The following ZCCHC4 variants were observed in gnomAD, a reference collection of about 807,000 sequenced individuals.
ZCCHC4 encodes zinc finger CCHC-type containing 4.
A neutral mutation model predicts 67.7 loss-of-function variants in ZCCHC4; 54 were observed. The ratio of observed to expected loss-of-function variants is 0.80; its 90% CI spans 0.64 to 1.00. The LOEUF (loss-of-function observed/expected upper bound fraction) is 1.00. Among genes scored for constraint, ZCCHC4 ranks in the 50% least tolerant of loss-of-function variants. The pLI, the probability that ZCCHC4 is intolerant of heterozygous loss-of-function variation, is 0.00. For synonymous variants in ZCCHC4, 198 were observed against 213.5 expected, an observed-to-expected ratio of 0.93 and a Z score of 0.63; for missense variants, 609 against 617.0, an observed-to-expected ratio of 0.99 and a Z score of 0.14.
chr4:25,326,045 A>T (rs28410007), intron 3 of ZCCHC4, among the ~76,000 whole-genome samples: 66,004 of 151,810 alleles, frequency 0.43, 16,237 homozygotes, highest in Non-Finnish European at 0.56. Flanking sequence ...GCTTAGTGGT[A>T]TACAACGACA....
rs543365219 is a variant in ZCCHC4 at position 25,369,082 on chromosome 4, C to G, written c.1460C>G (p.Thr487Arg). The G allele has an allele frequency of 6.2e-7, 1 of 1,613,508 alleles. No homozygotes were observed. Among genetic ancestry groups the G allele is most frequent in the Non-Finnish European group, 8.5e-7 (1 of 1,179,854 alleles). Residue 487 changes from threonine to arginine, a missense_variant, in exon 13 of 13, where the codon ACG becomes AGG. Thr to Arg is a moderately conservative substitution (Grantham distance 71). Coordinates refer to ENST00000302874, the MANE Select transcript of ZCCHC4 (RefSeq NM_024936.3). ...RKSNKMKMET[T>R]KGQSMNHTSA... Reference sequence around the variant, plus strand: ...AGTAATAAGATGAAAATGGAGACCACGAAAGGACAATCCATGAATCATACA... The same window carrying G: ...AGTAATAAGATGAAAATGGAGACCAGGAAAGGACAATCCATGAATCATACA...
At chr4:25,325,560 T>C (rs1459174592) in intron 3 of ZCCHC4, among the ~76,000 whole-genome samples, 1 of 152,170 alleles carries the variant, frequency 6.6e-6, no homozygotes, top group African/African-American at 2.4e-5. Flanking sequence ...CACTGTGCTG[T>C]CTTTTCACTT....
At chr4:25,339,178 T>TA (rs1254292289) in intron 5 of ZCCHC4, among the ~76,000 whole-genome samples, 1 of 152,156 alleles carries the variant, frequency 6.6e-6, no homozygotes, top group African/African-American at 2.4e-5. Context: ...AGGCTCACAC[T>TA]AATGGCCTCA....
At chr4:25,318,692 T>C (rs1718412014) in intron 3 of ZCCHC4, among the ~76,000 whole-genome samples, 3 of 152,112 alleles carry the variant, frequency 2.0e-5, no homozygotes, top group Admixed American at 2.0e-4. Flanking sequence ...CCAGAGTATA[T>C]TTTTTTGATA....
chr4:25,369,029 A>T lies in ZCCHC4; in HGVS notation c.1407A>T (p.Lys469Asn). 1 of 1,607,592 alleles carries T rather than the reference A, an allele frequency of 6.2e-7. No homozygotes were observed. The highest frequency in any genetic ancestry group is 8.5e-7 in the Non-Finnish European group (1 of 1,178,604). ...PNIATSKRANKAVRKQKQRKS... is the reference protein window; with the variant it reads ...PNIATSKRANNAVRKQKQRKS... ...AATAATTTAGCACCTTGTTTTCCAG[A>T]GCTGTCAGAAAGCAGAAGCAAAGAA... The change falls in exon 13 of 13, where the codon AAA becomes AAT. Residue 469 changes from lysine to asparagine, a missense_variant and splice_region_variant. Transcript: ENST00000302874.
At chr4:25,339,993 C>T (rs10013943) in intron 5 of ZCCHC4, among the ~76,000 whole-genome samples, 65,233 of 151,774 alleles carry the variant, frequency 0.43, 16,163 homozygotes, top group Non-Finnish European at 0.56. Context: ...CTCAGCCTCC[C>T]GAGTAGCTGG....
rs1009352634 is a variant in ZCCHC4, at chr4:25,345,601, A to G, written c.740A>G (p.His247Arg). ...DSFCHYNMFN[H>R]HFFDGKTALE... ...TTTTGCCATTATAATATGTTTAACC[A>G]TCATTTCTTTGATGGAAAGGTAAGA... Residue 247 changes from histidine to arginine, a missense_variant, in exon 6 of 13, where the codon CAT becomes CGT. Physicochemically the swap from His to Arg is conservative, Grantham distance 29. Coordinates refer to ENST00000302874, the MANE Select transcript of ZCCHC4 (RefSeq NM_024936.3). 1 of 1,567,776 alleles carries G rather than the reference A, an allele frequency of 6.4e-7. No homozygotes were observed. Among genetic ancestry groups the G allele is most frequent in the Non-Finnish European group, 8.8e-7 (1 of 1,142,390 alleles).
intron 8 of ZCCHC4, among the ~76,000 whole-genome samples, chr4:25,352,951 G>A (rs1327018537): frequency 6.6e-6 from 1 of 152,180 alleles, no homozygotes; most frequent in Non-Finnish European, 1.5e-5. Flanking sequence ...CACCCAAACA[G>A]CAGACACTGT....
intron 3 of ZCCHC4, among the ~76,000 whole-genome samples, chr4:25,324,286 A>T (rs1718747260): frequency 1.3e-5 from 2 of 151,688 alleles, no homozygotes. Flanking sequence ...AAGTGCTGGG[A>T]TTACAGGCAT....
intron 10 of ZCCHC4, among the ~76,000 whole-genome samples, chr4:25,363,901 A>C (rs1720848879): frequency 6.6e-6 from 1 of 152,136 alleles, no homozygotes; most frequent in African/African-American, 2.4e-5. Flanking sequence ...AGCATGGGGC[A>C]GTTTCCAGAG....
intron 5 of ZCCHC4, among the ~76,000 whole-genome samples, chr4:25,338,480 G>A (rs915183480): frequency 1.3e-5 from 2 of 152,100 alleles, no homozygotes; most frequent in Admixed American, 6.6e-5. Context: ...AGCCATCACC[G>A]CTATCTAATT....
intron 7 of ZCCHC4, among the ~76,000 whole-genome samples, chr4:25,350,423 C>G: frequency 6.6e-6 from 1 of 151,872 alleles, no homozygotes; most frequent in East Asian, 1.9e-4. Flanking sequence ...ACCATGCCCA[C>G]CTAATTTTTT....
At chr4:25,328,471 C>T (rs982128383) in intron 3 of ZCCHC4, among the ~76,000 whole-genome samples, 1 of 152,150 alleles carries the variant, frequency 6.6e-6, no homozygotes, top group Non-Finnish European at 1.5e-5. Flanking sequence ...AACTCCTGAC[C>T]TCAAGTGATC....
intron 12 of ZCCHC4, chr4:25,365,376 G>A (rs1720901051): frequency 6.7e-6 from 9 of 1,349,296 alleles, no homozygotes; most frequent in Non-Finnish European, 8.6e-6. Flanking sequence ...ACAGCTTAGA[G>A]ATGAAAATAA....
chr4:25,325,241 C>CAAAAAAA (rs11318046), intron 3 of ZCCHC4, among the ~76,000 whole-genome samples: 2 of 74,754 alleles, frequency 2.7e-5, no homozygotes, highest in South Asian at 5.2e-4. Flanking sequence ...GACTCCGTCT[C>CAAAAAAA]AAAAAAAAAA....
chr4:25,342,436 G>C (rs1025955900), intron 5 of ZCCHC4, among the ~76,000 whole-genome samples: 1 of 152,130 alleles, frequency 6.6e-6, no homozygotes, highest in Non-Finnish European at 1.5e-5. Flanking sequence ...TAGGAGGTAC[G>C]AAGTTCACAT....
chr4:25,323,134 C>A (rs535878000), intron 3 of ZCCHC4, among the ~76,000 whole-genome samples: 1 of 152,322 alleles, frequency 6.6e-6, no homozygotes, highest in East Asian at 1.9e-4. Flanking sequence ...AGCCCTTTGT[C>A]TAATGATTTT....
intron 8 of ZCCHC4, chr4:25,352,114 G>A (rs1225656197): frequency 2.0e-6 from 2 of 987,246 alleles, no homozygotes; most frequent in Admixed American, 6.1e-5. Flanking sequence ...TTGGTGAAAT[G>A]CCATGCACAC....
rs1577351411 is a variant in ZCCHC4, at chr4:25,359,529, C to T, written c.1012-2330C>T. On this transcript the variant is annotated intron_variant, in intron 8 of 12. Coordinates refer to ENST00000302874, the MANE Select transcript of ZCCHC4 (RefSeq NM_024936.3). The surrounding 1 kb of genome is among the most constrained non-coding windows in gnomAD (Gnocchi z 4.9). ...GGTCTGATACCAAGGAGGCTGTTGG[C>T]GGGATCAAGGGGTCCGTGCCACAAA... 6.6e-6 allele frequency among the ~76,000 whole-genome samples: 1 copy of T among 152,108 alleles called. No individual in the cohort carries two copies. The highest frequency in any genetic ancestry group is 6.5e-5 in the Admixed American group (1 of 15,276).
Sources: allele counts gnomAD v4.1 joint callset (sites outside exome capture counted in the v4.1 genomes callset), GRCh38; gene constraint gnomAD v4.1.1; non-coding constraint Gnocchi (gnomAD v3.1); transcripts MANE v1.5; gene names NCBI Gene and HGNC (gene_info 2026-07-23, HGNC 2026-07-21).